The following GLS variants were observed in gnomAD, a reference collection of about 807,000 sequenced individuals.
The protein encoded by GLS is glutaminase, also known as glutaminase kidney isoform, mitochondrial.
In GLS, 36 loss-of-function variants were observed where a neutral mutation model predicts 86.7. The observed-to-expected ratio is 0.42, with a 90% CI of 0.32 to 0.55. The LOEUF is 0.55. Among genes scored for constraint, GLS ranks in the 20% least tolerant of loss-of-function variants. The probability of loss-of-function intolerance (pLI) is 0.17; values close to 1 mark genes in which losing one functional copy is unlikely to be tolerated. For synonymous variants in GLS, 317 were observed against 305.9 expected (o/e 1.04, Z -0.38); for missense variants, 528 against 833.4 (o/e 0.63, Z 4.51).
chr2:190,931,895 TG>T (rs1015467761), intron 14 of GLS, among the ~76,000 whole-genome samples: 2 of 152,110 alleles, frequency 1.3e-5, no homozygotes, highest in African/African-American at 4.8e-5. Context: ...GTTAGCCTAG[TG>T]TCAGGGATTT....
At chr2:190,912,441 TA>T (rs1271645929) in intron 7 of GLS, among the ~76,000 whole-genome samples, 1 of 149,880 alleles carries the variant, frequency 6.7e-6, no homozygotes, top group Non-Finnish European at 1.5e-5. Context: ...GAATATGTAA[TA>T]TTTTTCTTAG....
chr2:190,900,262 T>A (rs184465004), intron 3 of GLS, among the ~76,000 whole-genome samples: 1 of 152,282 alleles, frequency 6.6e-6, no homozygotes, highest in East Asian at 1.9e-4. Context: ...CAACTCTGAT[T>A]GAGTAAGAAG....
chr2:190,941,940 G>T (rs1337453237), intron 14 of GLS, among the ~76,000 whole-genome samples: 1 of 151,952 alleles, frequency 6.6e-6, no homozygotes, highest in Non-Finnish European at 1.5e-5. Context: ...AATGTTTAAT[G>T]TGCACCCCAG....
In GLS at chr2:190,921,141, C is replaced by T. The variant is rs1290597389; in HGVS notation, c.1072-4C>T. On this transcript the variant is annotated splice_region_variant and splice_polypyrimidine_tract_variant and intron_variant, in intron 8 of 17. Coordinates refer to ENST00000320717, the MANE Select transcript of GLS (RefSeq NM_014905.5). The surrounding 1 kb of genome is among the most constrained non-coding windows in gnomAD (Gnocchi z 4.2). Reference sequence around the variant, plus strand: ...TACTAATATTCCCTACTTTTGGTTTCTAGGTCATGCAGTTTTTGAATAAGA... The same window carrying T: ...TACTAATATTCCCTACTTTTGGTTTTTAGGTCATGCAGTTTTTGAATAAGA... 2 of 1,605,280 alleles carry T rather than the reference C, an allele frequency of 1.2e-6. No homozygotes were observed. The highest frequency in any genetic ancestry group is 1.7e-4 in the Middle Eastern group (1 of 6,028).
At chr2:190,892,284 A>G (rs773179449) in intron 1 of GLS, among the ~76,000 whole-genome samples, 36 of 152,336 alleles carry the variant, frequency 2.4e-4, no homozygotes, top group Middle Eastern at 3.4e-3. Context: ...GAGAGACAGT[A>G]TAAGTTGGAG....
Position 190,930,703 on chromosome 2 carries a change from G to A in GLS, c.1557+135G>A. 1.5e-6 allele frequency: 1 copy of A among 682,390 alleles called. No homozygotes were observed. Among genetic ancestry groups the A allele is most frequent in the Non-Finnish European group, 2.4e-6 (1 of 422,012 alleles). 42.3% of individuals were successfully genotyped at this position (682,390 alleles called of 1,614,324 possible). ...AGTGTGCCAGTTACTAGGGAGCCGT[G>A]GAAATACTCCCAGAGGAGCTTCAAG... On this transcript the variant is annotated intron_variant, in intron 13 of 17. Coordinates refer to ENST00000320717, the MANE Select transcript of GLS (RefSeq NM_014905.5). This position sits in a 1 kb window ranked among gnomAD's most constrained non-coding sequence, Gnocchi z 5.0.
In GLS at chr2:190,913,813, T is replaced by C. The variant is rs1689434695; in HGVS notation, c.1038+3492T>C. 1.2e-6 allele frequency: 1 copy of C among 845,466 alleles called. No homozygotes were observed. Among genetic ancestry groups the C allele is most frequent in the East Asian group, 1.2e-4 (1 of 8,136 alleles). The allele number at this position is 845,466 out of a possible 1,614,324, so 52.4% of individuals were successfully genotyped here. Reference sequence around the variant, plus strand: ...CCTCTCAGAGTTTTTTGTTTTTTGTTTTTTAGAGACAAGGTCTCTCTCTGT... The same window carrying C: ...CCTCTCAGAGTTTTTTGTTTTTTGTCTTTTAGAGACAAGGTCTCTCTCTGT... On this transcript the variant is annotated intron_variant, in intron 7 of 17. Transcript: ENST00000320717. This position sits in a 1 kb window ranked among gnomAD's most constrained non-coding sequence, Gnocchi z 6.1.
intron 6 of GLS, among the ~76,000 whole-genome samples, chr2:190,909,417 C>A (rs1265586195): frequency 6.6e-6 from 1 of 151,832 alleles, no homozygotes; most frequent in Admixed American, 6.6e-5. Flanking sequence ...GAACTTATTC[C>A]CCCTGTGTAA....
chr2:190,901,102 T>A (rs1688925153), intron 4 of GLS, among the ~76,000 whole-genome samples: 1 of 152,082 alleles, frequency 6.6e-6, no homozygotes, highest in African/African-American at 2.4e-5. Context: ...TAACTTTGGG[T>A]AGCTTTAGTA....
intron 11 of GLS, among the ~76,000 whole-genome samples, chr2:190,926,009 G>T (rs1558983936): frequency 6.6e-6 from 1 of 151,914 alleles, no homozygotes; most frequent in Non-Finnish European, 1.5e-5. Context: ...TTTAAATTTG[G>T]CTGTTATAGA....
chr2:190,915,445 T>C (rs1047933487), intron 7 of GLS, among the ~76,000 whole-genome samples: 2 of 152,234 alleles, frequency 1.3e-5, no homozygotes, highest in African/African-American at 2.4e-5. Flanking sequence ...TAAAAATGTT[T>C]CTACTGTATT....
In GLS at chr2:190,964,489, ACCTTACTC is replaced by A; in HGVS notation, c.*1505_*1512del. ...TTCTAAACTTTACATGCCTGATGGC[ACCTTACTC>A]CAGCAGCCTCCAGGTGCTTTCATTT... On this transcript the variant is annotated 3_prime_UTR_variant, in exon 18 of 18. Transcript: ENST00000320717. The surrounding 1 kb of genome is among the most constrained non-coding windows in gnomAD (Gnocchi z 5.2). 6.6e-6 allele frequency: 1 copy of A among 152,028 alleles called. No homozygotes were observed. Among genetic ancestry groups the A allele is most frequent in the Middle Eastern group, 3.4e-3 (1 of 292 alleles). 9.4% of individuals were successfully genotyped at this position (152,028 alleles called of 1,614,324 possible).
At chr2:190,941,643 T>C (rs1690435019) in intron 14 of GLS, among the ~76,000 whole-genome samples, 1 of 151,906 alleles carries the variant, frequency 6.6e-6, no homozygotes, top group Non-Finnish European at 1.5e-5. Flanking sequence ...TTTGAAGGAG[T>C]CAGAGGAAAT....
chr2:190,935,281 T>A lies in GLS; in HGVS notation c.1650+3644T>A, dbSNP rs1274764947. 1.6e-5 allele frequency: 9 copies of A among 556,794 alleles called. No homozygotes were observed. The highest frequency in any genetic ancestry group is 2.0e-5 in the African/African-American group (1 of 49,132). 34.5% of individuals were successfully genotyped at this position (556,794 alleles called of 1,614,324 possible). ...TTTTGTATTGCACAATAAATTTATT[T>A]TAAGCTGATTTTATTGTTTTTTTTG... On this transcript the variant is annotated intron_variant, in intron 14 of 17. Coordinates refer to ENST00000320717, the MANE Select transcript of GLS (RefSeq NM_014905.5). The surrounding 1 kb of genome is among the most constrained non-coding windows in gnomAD (Gnocchi z 4.2).
chr2:190,948,768 A>G (rs1445002900), intron 14 of GLS, among the ~76,000 whole-genome samples: 1 of 152,218 alleles, frequency 6.6e-6, no homozygotes, highest in Non-Finnish European at 1.5e-5. Flanking sequence ...TTTTGATTTA[A>G]GAGATTGGAG....
At position 190,921,757 on chromosome 2, in the gene GLS, A is replaced by G. The variant is rs1402081400; in HGVS notation, c.1130+554A>G. 6.6e-6 allele frequency among the ~76,000 whole-genome samples: 1 copy of G among 152,040 alleles called. No individual in the cohort carries two copies. Among genetic ancestry groups the G allele is most frequent in the Non-Finnish European group, 1.5e-5 (1 of 67,916 alleles). ...AGAAAGCACATACAGTCTAAGAATA[A>G]GGACATTCTCCTACATAACCACAAT... On this transcript the variant is annotated intron_variant, in intron 9 of 17. Coordinates refer to ENST00000320717, the MANE Select transcript of GLS (RefSeq NM_014905.5). The surrounding 1 kb of genome is among the most constrained non-coding windows in gnomAD (Gnocchi z 4.2).
chr2:190,919,096 C>G (rs969349460), intron 7 of GLS, among the ~76,000 whole-genome samples: 1 of 152,066 alleles, frequency 6.6e-6, no homozygotes, highest in Non-Finnish European at 1.5e-5. Flanking sequence ...TTACTTGATG[C>G]AGGGTTATCA....
chr2:190,901,186 AC>A (rs1287983966), intron 4 of GLS, among the ~76,000 whole-genome samples: 1 of 152,062 alleles, frequency 6.6e-6, no homozygotes, highest in Non-Finnish European at 1.5e-5. Context: ...TCTGAGTATA[AC>A]TTTTGACTCC....
At chr2:190,922,923 T>G (rs1353546454) in intron 9 of GLS, among the ~76,000 whole-genome samples, 1 of 152,194 alleles carries the variant, frequency 6.6e-6, no homozygotes, top group Non-Finnish European at 1.5e-5. Context: ...GCTCTAGAGA[T>G]AGATCCCTGT....
Sources: gnomAD v4.1 joint callset for allele counts (sites outside exome capture counted in the v4.1 genomes callset) on GRCh38, gnomAD v4.1.1 for gene constraint, Gnocchi (gnomAD v3.1) non-coding constraint, MANE v1.5 for transcripts, NCBI Gene and HGNC (gene_info 2026-07-23, HGNC 2026-07-21) for gene names.